Variants in STARD13 observed in about 807,000 individuals in gnomAD.
STARD13 encodes the protein stAR-related lipid transfer protein 13.
A neutral mutation model predicts 106.4 loss-of-function variants in STARD13; 62 were observed. The ratio of observed to expected loss-of-function variants is 0.58; its 90% CI spans 0.48 to 0.72. The LOEUF is 0.72. Among genes scored for constraint, STARD13 ranks in the 30% least tolerant of loss-of-function variants. The pLI, the probability that STARD13 is intolerant of heterozygous loss-of-function variation, is 0.00. For synonymous variants in STARD13, 565 were observed against 553.0 expected (o/e 1.02, Z -0.31); for missense variants, 1,387 against 1,424.0 (o/e 0.97, Z 0.42).
At chr13:33,441,986 C>T in the STARD13 span, among the ~76,000 whole-genome samples, 7 of 152,146 alleles carry the variant, frequency 4.6e-5, no homozygotes, top group African/African-American at 1.7e-4. Context: ...GAGAAAAGAT[C>T]CCTCCATATT....
At chr13:33,675,221 A>T in the STARD13 span, among the ~76,000 whole-genome samples, 1 of 152,178 alleles carries the variant, frequency 6.6e-6, no homozygotes, top group African/African-American at 2.4e-5. Flanking sequence ...CTGTTGGGGA[A>T]ATTTTCTTCC....
the STARD13 span, among the ~76,000 whole-genome samples, chr13:33,446,959 T>C: frequency 6.6e-6 from 1 of 152,224 alleles, no homozygotes; most frequent in Admixed American, 6.5e-5. Flanking sequence ...TCTTGATTAG[T>C]TTACATAAAG....
chr13:33,462,020 T>C, the STARD13 span, among the ~76,000 whole-genome samples: 1 of 152,158 alleles, frequency 6.6e-6, no homozygotes, highest in African/African-American at 2.4e-5. Flanking sequence ...TTTGAACTTG[T>C]CTTCTCTCCA....
intron 1 of STARD13, chr13:33,186,057 G>A: frequency 6.2e-7 from 1 of 1,612,530 alleles, no homozygotes; most frequent in Non-Finnish European, 8.5e-7. Flanking sequence ...AGGAGCAGAT[G>A]ATAGTCCTCT....
chr13:33,429,323 G>A, the STARD13 span, among the ~76,000 whole-genome samples: 4 of 152,172 alleles, frequency 2.6e-5, no homozygotes, highest in East Asian at 1.9e-4. Flanking sequence ...AGGGCCGGGC[G>A]TGGTGGCTCA....
chr13:33,616,258 G>T, the STARD13 span, among the ~76,000 whole-genome samples: 9 of 151,598 alleles, frequency 5.9e-5, no homozygotes, highest in East Asian at 1.7e-3. Flanking sequence ...AGGGAAGAAG[G>T]GAAGGGGAGC....
At chr13:33,657,992 G>A in the STARD13 span, among the ~76,000 whole-genome samples, 4 of 152,076 alleles carry the variant, frequency 2.6e-5, no homozygotes, top group African/African-American at 7.2e-5. Flanking sequence ...GCATTGTTGT[G>A]CAACCATCAC....
the STARD13 span, among the ~76,000 whole-genome samples, chr13:33,399,326 G>A: frequency 6.6e-6 from 1 of 152,084 alleles, no homozygotes; most frequent in Non-Finnish European, 1.5e-5. Flanking sequence ...CCAGGGGATG[G>A]GGTGTAGGGG....
In STARD13 at chr13:33,253,235, C is replaced by T. The variant is rs183340865; in HGVS notation, c.169+32235G>A. Reference sequence around the variant, plus strand: ...ACTTCCTAAAAGACTTCTTAGACCTCGGTAGAAAGACAGGTGCTGTATTCC... The same window carrying T: ...ACTTCCTAAAAGACTTCTTAGACCTTGGTAGAAAGACAGGTGCTGTATTCC... On this transcript the variant is annotated intron_variant, in intron 1 of 13. Coordinates refer to ENST00000336934, the MANE Select transcript of STARD13 (RefSeq NM_178006.4). Among the ~76,000 whole-genome samples the T allele has an allele frequency of 4.5e-4, 68 of 152,258 alleles. 1 individual carries two copies. The highest frequency in any genetic ancestry group is 1.4e-3 in the African/African-American group (58 of 41,544).
chr13:33,372,780 T>G, the STARD13 span, among the ~76,000 whole-genome samples: 1 of 152,052 alleles, frequency 6.6e-6, no homozygotes, highest in Non-Finnish European at 1.5e-5. Flanking sequence ...AGGATTGTTA[T>G]GGCTATTATT....
chr13:33,109,924 T>A lies in STARD13; in HGVS notation c.2996A>T (p.Tyr999Phe), dbSNP rs535615992. ...TLDRQTEIYQ[Y>F]VLNSMAPHPS... ...ATGGGGAGCCATGCTGTTCAGCACA[T>A]ACTGGTAGATCTCTGTTTGCCTGTC... Residue 999 changes from tyrosine (Y) to phenylalanine (F), a missense_variant, in exon 12 of 14, where the codon TAT (tyrosine) becomes TTT (phenylalanine). Tyr to Phe is a conservative substitution (Grantham distance 22). Coordinates refer to ENST00000336934, the MANE Select transcript of STARD13 (RefSeq NM_178006.4). 7 of 1,614,266 alleles carry A rather than the reference T, an allele frequency of 4.3e-6. No homozygotes were observed. In the African/African-American group the frequency reaches 9.3e-5, roughly 22 times the overall value.
chr13:33,573,219 A>G, the STARD13 span, among the ~76,000 whole-genome samples: 4 of 152,290 alleles, frequency 2.6e-5, no homozygotes, highest in Non-Finnish European at 4.4e-5. Context: ...CTCATACACT[A>G]TAAACATTAA....
chr13:33,473,365 TAGTA>T, the STARD13 span, among the ~76,000 whole-genome samples: 4 of 152,212 alleles, frequency 2.6e-5, no homozygotes, highest in South Asian at 4.1e-4. Flanking sequence ...TTTACAGAGC[TAGTA>T]AGTGTCAGAA....
chr13:33,567,520 A>G, the STARD13 span, among the ~76,000 whole-genome samples: 1 of 148,330 alleles, frequency 6.7e-6, no homozygotes, highest in Non-Finnish European at 1.5e-5. Flanking sequence ...GTAGAATTGT[A>G]GTTGATAATT....
chr13:33,663,320 AAT>A, the STARD13 span, among the ~76,000 whole-genome samples: 1 of 152,218 alleles, frequency 6.6e-6, no homozygotes, highest in South Asian at 2.1e-4. Context: ...AAGATCCAAA[AAT>A]ATTATGGACA....
At chr13:33,427,472 A>C in the STARD13 span, among the ~76,000 whole-genome samples, 1 of 152,210 alleles carries the variant, frequency 6.6e-6, no homozygotes, top group Non-Finnish European at 1.5e-5. Context: ...AATATAACCC[A>C]CACTGGTGGC....
the STARD13 span, among the ~76,000 whole-genome samples, chr13:33,413,801 G>A: frequency 6.6e-6 from 1 of 152,092 alleles, no homozygotes; most frequent in African/African-American, 2.4e-5. Flanking sequence ...GGAGGTCGAG[G>A]CAGGCAGATC....
intron 1 of STARD13, chr13:33,271,569 C>G (rs964892760): frequency 6.6e-6 from 1 of 152,320 alleles, no homozygotes; most frequent in Non-Finnish European, 1.5e-5. Context: ...TAGGTAGGAA[C>G]TTAGGAACCT....
intron 7 of STARD13, 51 bp from the exon 8 acceptor site, chr13:33,118,314 G>A (rs756591174): frequency 6.6e-7 from 1 of 1,512,982 alleles, no homozygotes; most frequent in Non-Finnish European, 9.2e-7. Context: ...TGGTTGTGAG[G>A]AGGAGGAGGA....
Sources: allele counts gnomAD v4.1 joint callset (sites outside exome capture counted in the v4.1 genomes callset), GRCh38; gene constraint gnomAD v4.1.1; transcripts MANE v1.5; gene names NCBI Gene and HGNC (gene_info 2026-07-23, HGNC 2026-07-21).